CLSTN2: variants seen among roughly 807,000 people sequenced by gnomAD.
CLSTN2 encodes the protein calsyntenin 2, also known as calsyntenin-2.
CLSTN2 carries 48 observed loss-of-function variants against 101.2 expected under a neutral mutation model. The ratio of observed to expected loss-of-function variants is 0.47; its 90% CI spans 0.38 to 0.60. The LOEUF (loss-of-function observed/expected upper bound fraction) is 0.60, where lower values mean the gene tolerates loss of function less well. CLSTN2 is among the 20% of genes least tolerant of loss of function. CLSTN2 has a pLI of 0.00. For synonymous variants in CLSTN2, 481 were observed against 463.6 expected (o/e 1.04, Z -0.48); for missense variants, 1,160 against 1,238.2 (o/e 0.94, Z 0.95).
rs1234447432 is a variant in CLSTN2, at chr3:140,572,208, A to G, written c.*5955A>G. 1.3e-5 allele frequency: 2 copies of G among 152,178 alleles called. No homozygotes were observed. The highest frequency in any genetic ancestry group is 2.9e-5 in the Non-Finnish European group (2 of 68,044). The allele number at this position is 152,178 out of a possible 1,614,324, so 9.4% of individuals were successfully genotyped here. On this transcript the variant is annotated 3_prime_UTR_variant, in exon 17 of 17. Coordinates refer to ENST00000458420, the MANE Select transcript of CLSTN2 (RefSeq NM_022131.3). ...CACCCTAAGTCAGATGACAGGTGTA[A>G]TTCTAGGGGCCCTGATATGCATCAC...
intron 9 of CLSTN2, among the ~76,000 whole-genome samples, chr3:140,536,496 C>A (rs965130461): frequency 4.6e-5 from 7 of 152,070 alleles, no homozygotes; most frequent in African/African-American, 1.4e-4. Flanking sequence ...TCAGGACTAA[C>A]CCTCACATAT....
intron 1 of CLSTN2, among the ~76,000 whole-genome samples, chr3:140,126,893 C>CT (rs1202211808): frequency 6.6e-6 from 1 of 152,026 alleles, no homozygotes; most frequent in Non-Finnish European, 1.5e-5. Flanking sequence ...ACACCAGTGG[C>CT]TGTAACCCAT....
intron 8 of CLSTN2, among the ~76,000 whole-genome samples, chr3:140,524,045 C>G (rs349566): frequency 1.3e-5 from 2 of 152,128 alleles, no homozygotes; most frequent in South Asian, 2.1e-4. Context: ...ATAGATAAGA[C>G]GAAAGCATTA....
intron 1 of CLSTN2, among the ~76,000 whole-genome samples, chr3:139,943,841 G>A (rs1935175184): frequency 1.3e-5 from 2 of 152,304 alleles, no homozygotes; most frequent in Admixed American, 1.3e-4. Flanking sequence ...GGCCAGGACT[G>A]GAGGTATCTT....
intron 2 of CLSTN2, among the ~76,000 whole-genome samples, chr3:140,204,526 T>C (rs999313472): frequency 6.6e-6 from 1 of 152,246 alleles, no homozygotes; most frequent in Non-Finnish European, 1.5e-5. Flanking sequence ...TATTTGCATG[T>C]GTATGTGTTT....
intron 2 of CLSTN2, among the ~76,000 whole-genome samples, chr3:140,399,306 C>T (rs529524919): frequency 6.8e-4 from 104 of 152,278 alleles, no homozygotes; most frequent in Non-Finnish European, 1.2e-3. Flanking sequence ...TGACAAGCCT[C>T]ACAAAAAAAG....
intron 1 of CLSTN2, among the ~76,000 whole-genome samples, chr3:140,053,994 C>T (rs1160955491): frequency 6.6e-6 from 1 of 152,192 alleles, no homozygotes; most frequent in Admixed American, 6.5e-5. Flanking sequence ...AGAGGGTCAT[C>T]ACAGCTGGTC....
chr3:140,196,524 A>C (rs1203794064), intron 2 of CLSTN2, among the ~76,000 whole-genome samples: 6 of 152,246 alleles, frequency 3.9e-5, no homozygotes, highest in Non-Finnish European at 7.3e-5. Flanking sequence ...GGATATACCC[A>C]TGAAGTCTCC....
chr3:140,428,008 C>T (rs1194051361), intron 5 of CLSTN2, among the ~76,000 whole-genome samples: 1 of 152,238 alleles, frequency 6.6e-6, no homozygotes, highest in South Asian at 2.1e-4. Flanking sequence ...ATGTAGTACC[C>T]TTGGAGGCTG....
intron 8 of CLSTN2, among the ~76,000 whole-genome samples, chr3:140,532,073 G>A (rs1381069515): frequency 1.3e-5 from 2 of 152,164 alleles, no homozygotes. Context: ...TGGTAAGGCT[G>A]AAAATCTCCC....
chr3:140,544,352 G>A (rs1271180102), intron 9 of CLSTN2, among the ~76,000 whole-genome samples: 3 of 152,208 alleles, frequency 2.0e-5, no homozygotes, highest in African/African-American at 7.2e-5. Context: ...TGCACAGAGT[G>A]ACAAGAGTAA....
At chr3:140,163,418 C>CCACACACA (rs757576419) in intron 1 of CLSTN2, among the ~76,000 whole-genome samples, 4 of 130,400 alleles carry the variant, frequency 3.1e-5, no homozygotes, top group African/African-American at 1.3e-4. Context: ...TTTTCTATCT[C>CCACACACA]TACACACACA....
chr3:140,226,714 G>C (rs182286275), intron 2 of CLSTN2, among the ~76,000 whole-genome samples: 74 of 152,294 alleles, frequency 4.9e-4, no homozygotes, highest in Non-Finnish European at 1.6e-4. Flanking sequence ...ACATACCCAA[G>C]GCTGAGCAAC....
chr3:140,009,361 TTAGA>T (rs1337376915), intron 1 of CLSTN2, among the ~76,000 whole-genome samples: 2 of 152,194 alleles, frequency 1.3e-5, no homozygotes, highest in African/African-American at 4.8e-5. Context: ...ACAAAAAAAA[TTAGA>T]TAGTTCAGAT....
intron 2 of CLSTN2, among the ~76,000 whole-genome samples, chr3:140,380,787 C>T (rs1056362953): frequency 6.6e-6 from 1 of 152,210 alleles, no homozygotes; most frequent in South Asian, 2.1e-4. Flanking sequence ...TACAGACAGG[C>T]AACCCATGGC....
At chr3:140,247,506 G>A (rs970681041) in intron 2 of CLSTN2, among the ~76,000 whole-genome samples, 1 of 152,158 alleles carries the variant, frequency 6.6e-6, no homozygotes, top group Admixed American at 6.5e-5. Flanking sequence ...TGTCAAACTG[G>A]CATACCAGGT....
At chr3:140,199,475 G>C (rs2010691188) in intron 2 of CLSTN2, among the ~76,000 whole-genome samples, 1 of 152,166 alleles carries the variant, frequency 6.6e-6, no homozygotes, top group African/African-American at 2.4e-5. Context: ...TTCTGATACA[G>C]GGCCAAATTT....
rs554917834 is a variant in CLSTN2 at position 139,951,958 on chromosome 3, C to T, written c.109+16475C>T. ...TTTTTATTTTGTTTTTGTTTTAATC[C>T]CTACATGGCTCTTTCTTTTTCCCCC... On this transcript the variant is annotated intron_variant, in intron 1 of 16. Coordinates refer to ENST00000458420, the MANE Select transcript of CLSTN2 (RefSeq NM_022131.3). Among the ~76,000 whole-genome samples the T allele has an allele frequency of 7.1e-4, 108 of 151,984 alleles. 2 individuals carry two copies. In the South Asian group the frequency reaches 0.022, roughly 31 times the overall value.
intron 1 of CLSTN2, among the ~76,000 whole-genome samples, chr3:139,965,094 C>A (rs150468066): frequency 3.9e-5 from 6 of 152,146 alleles, no homozygotes; most frequent in Admixed American, 6.6e-5. Flanking sequence ...CCTCTCTTGG[C>A]CCCACGAAGT....
Sources: gnomAD v4.1 joint callset for allele counts (sites outside exome capture counted in the v4.1 genomes callset) on GRCh38, gnomAD v4.1.1 for gene constraint, MANE v1.5 for transcripts, NCBI Gene and HGNC (gene_info 2026-07-23, HGNC 2026-07-21) for gene names.